The following PPP2R2B variants were observed in gnomAD, a reference collection of about 807,000 sequenced individuals.
PPP2R2B encodes protein phosphatase 2 regulatory subunit Bbeta, also known as serine/threonine-protein phosphatase 2A 55 kDa regulatory subunit B beta isoform.
PPP2R2B carries 5 observed loss-of-function variants against 46.0 expected under a neutral mutation model. That is an observed-to-expected ratio of 0.11 (90% confidence interval 0.06 to 0.23). PPP2R2B has a LOEUF of 0.23. Ranked by LOEUF, PPP2R2B falls within the 10% of genes least tolerant of loss-of-function variation. The pLI is 1.00. For missense variants in PPP2R2B, 367 were observed against 575.0 expected, an observed-to-expected ratio of 0.64 and a Z score of 3.70; for synonymous variants, 215 against 206.7, an observed-to-expected ratio of 1.04 and a Z score of -0.34.
chr5:146,600,608 T>G, intron 7 of PPP2R2B, 148 bp from the exon 8 acceptor site: 1 of 759,764 alleles, frequency 1.3e-6, no homozygotes, highest in Non-Finnish European at 2.1e-6. Flanking sequence ...TAGAGAACTG[T>G]CATCTCTCTG....
intron 2 of PPP2R2B, among the ~76,000 whole-genome samples, chr5:146,780,060 T>G (rs10077691): frequency 0.023 from 3,460 of 152,160 alleles, 122 homozygotes; most frequent in African/African-American, 0.079. Flanking sequence ...TGATGTAACG[T>G]GGGGTTAAAT....
chr5:146,877,155 C>T (rs955543744), intron 2 of PPP2R2B, among the ~76,000 whole-genome samples: 4 of 152,096 alleles, frequency 2.6e-5, no homozygotes, highest in Admixed American at 6.5e-5. Context: ...TGCCTCTACT[C>T]TCTATTCACA....
At chr5:146,817,869 T>C (rs1758023842) in intron 2 of PPP2R2B, among the ~76,000 whole-genome samples, 1 of 152,226 alleles carries the variant, frequency 6.6e-6, no homozygotes, top group Non-Finnish European at 1.5e-5. Context: ...TTTAAAATTA[T>C]CAAATCAGTT....
chr5:146,747,859 A>AT (rs891877973), intron 2 of PPP2R2B, among the ~76,000 whole-genome samples: 6 of 151,778 alleles, frequency 4.0e-5, no homozygotes, highest in Admixed American at 2.0e-4. Context: ...ACAGTTGTGA[A>AT]TTTTTTTTTG....
At chr5:147,008,589 A>G (rs1580793696) in intron 1 of PPP2R2B, among the ~76,000 whole-genome samples, 2 of 152,080 alleles carry the variant, frequency 1.3e-5, no homozygotes, top group African/African-American at 4.8e-5. Flanking sequence ...ATGGGCTTCC[A>G]TGCTTCTTCA....
chr5:146,742,386 A>G (rs1181510988), intron 2 of PPP2R2B, among the ~76,000 whole-genome samples: 1 of 152,150 alleles, frequency 6.6e-6, no homozygotes, highest in African/African-American at 2.4e-5. Flanking sequence ...ATGACTAGCT[A>G]TGCTGCTTCA....
At chr5:146,736,630 C>A (rs946995243) in intron 2 of PPP2R2B, among the ~76,000 whole-genome samples, 1 of 152,174 alleles carries the variant, frequency 6.6e-6, no homozygotes, top group Non-Finnish European at 1.5e-5. Flanking sequence ...CTTCCCAGCC[C>A]CCAGCACCAC....
intron 1 of PPP2R2B, among the ~76,000 whole-genome samples, chr5:146,958,010 A>G (rs1456936344): frequency 6.6e-6 from 1 of 152,184 alleles, no homozygotes; most frequent in Admixed American, 6.5e-5. Flanking sequence ...GGGTCGAATA[A>G]TGAGGGAAGT....
intron 5 of PPP2R2B, among the ~76,000 whole-genome samples, chr5:146,660,024 T>C (rs1256227803): frequency 1.3e-5 from 2 of 152,208 alleles, no homozygotes; most frequent in Non-Finnish European, 2.9e-5. Context: ...GGATAGAGAT[T>C]AACTTTATTG....
At chr5:146,740,573 TCACACACACACACACACACA>T (rs3995489) in intron 2 of PPP2R2B, among the ~76,000 whole-genome samples, 28 of 138,110 alleles carry the variant, frequency 2.0e-4, no homozygotes, top group Middle Eastern at 3.6e-3. Flanking sequence ...TAAAATGAGA[TCACACACACACACACACACA>T]CACACACACA....
chr5:146,638,132 G>T, intron 7 of PPP2R2B, 119 bp downstream of exon 7: 1 of 993,614 alleles, frequency 1.0e-6, no homozygotes, highest in Non-Finnish European at 1.4e-6. Flanking sequence ...ACTCCCACTT[G>T]TAGTTTCTTT....
intron 4 of PPP2R2B, among the ~76,000 whole-genome samples, chr5:146,696,895 A>G (rs888523807): frequency 6.6e-6 from 1 of 152,228 alleles, no homozygotes; most frequent in Non-Finnish European, 1.5e-5. Flanking sequence ...GACTCATTGT[A>G]AAACTTTACA....
At chr5:146,770,751 G>A (rs748142884) in intron 2 of PPP2R2B, among the ~76,000 whole-genome samples, 12 of 152,136 alleles carry the variant, frequency 7.9e-5, no homozygotes, top group Non-Finnish European at 1.0e-4. Flanking sequence ...AGAATGCATG[G>A]GAGCTGTTAT....
At chr5:146,958,579 C>T (rs1475122743) in intron 1 of PPP2R2B, among the ~76,000 whole-genome samples, 1 of 152,122 alleles carries the variant, frequency 6.6e-6, no homozygotes, top group Non-Finnish European at 1.5e-5. Flanking sequence ...TTCATCCTCA[C>T]AAAATTTCCA....
intron 3 of PPP2R2B, among the ~76,000 whole-genome samples, 173 bp from the exon 4 acceptor site, chr5:146,698,317 A>ATAT (rs1554126067): frequency 8.2e-5 from 7 of 85,648 alleles, no homozygotes; most frequent in African/African-American, 3.0e-4. Context: ...AAAAAAAAAA[A>ATAT]ATATATATAT....
At chr5:146,890,810 C>T (rs1398595587) in intron 1 of PPP2R2B, among the ~76,000 whole-genome samples, 1 of 152,064 alleles carries the variant, frequency 6.6e-6, no homozygotes, top group Non-Finnish European at 1.5e-5. Flanking sequence ...GTAGCATAGG[C>T]CCTGAGCCAT....
intron 2 of PPP2R2B, among the ~76,000 whole-genome samples, chr5:147,080,716 A>G (rs1006487205): frequency 2.0e-5 from 3 of 152,170 alleles, no homozygotes; most frequent in African/African-American, 7.2e-5. Flanking sequence ...CATAGAATGA[A>G]AGGGAGAGAA....
At position 146,608,324 on chromosome 5, in the gene PPP2R2B, C is replaced by T. The variant is rs539435116; in HGVS notation, c.791-7864G>A. ...CTAAACTACATCTCTCAGGATGGTA[C>T]ATGGAATGAACTTAGGAGTCAGACA... On this transcript the variant is annotated intron_variant, in intron 7 of 9. Coordinates refer to ENST00000394411, the MANE Select transcript of PPP2R2B (RefSeq NM_181675.4). Among the ~76,000 whole-genome samples, 20 of 152,246 alleles carry T rather than the reference C, an allele frequency of 1.3e-4. No individual in the cohort carries two copies. In the South Asian group the frequency reaches 3.9e-3, roughly 30 times the overall value.
intron 7 of PPP2R2B, chr5:146,616,850 C>A (rs1290205201): frequency 6.6e-6 from 1 of 152,194 alleles, no homozygotes; most frequent in Non-Finnish European, 1.5e-5. Flanking sequence ...ACTATATGAT[C>A]CAGCAATCCC....
Sources: gnomAD v4.1 joint callset for allele counts (sites outside exome capture counted in the v4.1 genomes callset) on GRCh38, gnomAD v4.1.1 for gene constraint, MANE v1.5 for transcripts, NCBI Gene and HGNC (gene_info 2026-07-23, HGNC 2026-07-21) for gene names.